OR2A14: variants seen among roughly 807,000 people sequenced by gnomAD.
OR2A14 encodes olfactory receptor family 2 subfamily A member 14.
Under a neutral mutation model 2.4 loss-of-function variants are expected in OR2A14, and 2 were observed. The observed-to-expected ratio is 0.85, with a 90% CI of 0.35 to 2.67. The LOEUF is 2.67. OR2A14 is among the 30% of genes most tolerant of loss of function. The pLI is 0.10. For missense variants in OR2A14, 390 were observed against 379.4 expected, an observed-to-expected ratio of 1.03 and a Z score of -0.23; for synonymous variants, 160 against 156.3, an observed-to-expected ratio of 1.02 and a Z score of -0.18.
chr7:144,129,968 C>A lies in OR2A14; in HGVS notation c.856C>A (p.Pro286Thr). The A allele has an allele frequency of 6.2e-7, 1 of 1,614,154 alleles. No individual in the cohort carries two copies. The highest frequency in any genetic ancestry group is 8.5e-7 in the Non-Finnish European group (1 of 1,180,010). The change falls in exon 2 of 2, where the codon CCC becomes ACC. Residue 286 changes from proline to threonine, a missense_variant. By Grantham distance (38) the Pro-to-Thr change is conservative. Transcript: ENST00000641068. ...CAGCCTTTTCAATCCAATGCTGAAC[C>A]CCCTGATATATAGCCTAAGGAATGC... ...FYSLFNPMLN[P>T]LIYSLRNAEV...
At chr7:144,123,602 A>G (rs1326817141) in intron 1 of OR2A14, among the ~76,000 whole-genome samples, 1 of 152,190 alleles carries the variant, frequency 6.6e-6, no homozygotes, top group Non-Finnish European at 1.5e-5. Context: ...AAGGGCTCCA[A>G]TGATTGTCAG....
intron 1 of OR2A14, among the ~76,000 whole-genome samples, chr7:144,123,799 C>T (rs2051462134): frequency 6.6e-6 from 1 of 152,116 alleles, no homozygotes; most frequent in African/African-American, 2.4e-5. Context: ...GTTCTGGATA[C>T]AGGCACCATT....
rs757291875 is a variant in OR2A14 at position 144,129,826 on chromosome 7, C to T, written c.714C>T (p.Ser238=). 9 of 1,614,172 alleles carry T rather than the reference C, an allele frequency of 5.6e-6. No individual in the cohort carries two copies. Among genetic ancestry groups the T allele is most frequent in the Non-Finnish European group, 5.1e-6 (6 of 1,180,034 alleles). ...QSGEGRRKAF[S]TCSSHLCVVG... is the part of the protein sequence containing the mutation. ...GGGAGGGCCGCAGAAAGGCCTTCTC[C>T]ACCTGCTCCTCCCACCTTTGCGTGG... The change falls in exon 2 of 2, where the codon TCC becomes TCT. Residue 238 remains serine (S), a synonymous_variant. Transcript: ENST00000641068.
Position 144,130,104 on chromosome 7 carries a change from GCTT to G in OR2A14, c.*60_*62del, listed in dbSNP as rs1453314837. On this transcript the variant is annotated 3_prime_UTR_variant, in exon 2 of 2. Coordinates refer to ENST00000641068, the MANE Select transcript of OR2A14 (RefSeq NM_001001659.3). ...TGCTCCCTGCAAAATATAGAAGTTGGCTTTTTTTTTTTGTCTTCTGCTAGAATA... is the reference window on the plus strand; with the variant it reads ...TGCTCCCTGCAAAATATAGAAGTTGGTTTTTTTTTGTCTTCTGCTAGAATA... 2 of 1,349,578 alleles carry G rather than the reference GCTT, an allele frequency of 1.5e-6. No homozygotes were observed. The highest frequency in any genetic ancestry group is 2.0e-6 in the Non-Finnish European group (2 of 1,015,020). The allele number at this position is 1,349,578 out of a possible 1,614,324, so 83.6% of individuals were successfully genotyped here. A position where few individuals can be genotyped will look rare whatever the true frequency, so the allele number is the denominator to read the frequency against.
At chr7:144,123,925 C>T (rs979834661) in intron 1 of OR2A14, among the ~76,000 whole-genome samples, 3 of 152,066 alleles carry the variant, frequency 2.0e-5, no homozygotes, top group Non-Finnish European at 4.4e-5. Context: ...TGGATCCAGA[C>T]ATTCTCCTTA....
At chr7:144,123,976 T>C (rs2951343) in intron 1 of OR2A14, among the ~76,000 whole-genome samples, 57,521 of 151,942 alleles carry the variant, frequency 0.38, 11,704 homozygotes, top group East Asian at 0.74. Flanking sequence ...CTAAAAAACC[T>C]AAGTTCTTAT....
In OR2A14 at chr7:144,129,600, T is replaced by C; in HGVS notation, c.488T>C (p.Leu163Pro). The change falls in exon 2 of 2, where the codon CTG becomes CCG. Residue 163 changes from leucine (L) to proline (P), a missense_variant. Transcript: ENST00000641068. ...GCTCTGGTCCCTTTAGTTCTCATCC[T>C]GAGCCTGCCCTTCTGCGGGCCTCAT... Reference protein sequence around the residue: ...LLALVPLVLILSLPFCGPHEI... With the variant: ...LLALVPLVLIPSLPFCGPHEI... 6.2e-7 allele frequency: 1 copy of C among 1,612,546 alleles called. No homozygotes were observed. The highest frequency in any genetic ancestry group is 8.5e-7 in the Non-Finnish European group (1 of 1,179,718).
intron 1 of OR2A14, among the ~76,000 whole-genome samples, chr7:144,127,509 C>T (rs1339754176): frequency 6.6e-6 from 1 of 152,084 alleles, no homozygotes; most frequent in Non-Finnish European, 1.5e-5. Flanking sequence ...AGAAATGTAT[C>T]TCAATGCCAA....
Position 144,130,181 on chromosome 7 carries a change from G to T in OR2A14, c.*136G>T, listed in dbSNP as rs948730870. 3.2e-6 allele frequency: 2 copies of T among 621,426 alleles called. No homozygotes were observed. The highest frequency in any genetic ancestry group is 5.4e-6 in the Non-Finnish European group (2 of 372,708). 38.5% of individuals were successfully genotyped at this position (621,426 alleles called of 1,614,324 possible). A position where few individuals can be genotyped will look rare whatever the true frequency, so the allele number is the denominator to read the frequency against. ...TATAGACCTATACATATAAACTGAAGACACAAATCTTTTAGAAAAGATAGG... is the reference window on the plus strand; with the variant it reads ...TATAGACCTATACATATAAACTGAATACACAAATCTTTTAGAAAAGATAGG... On this transcript the variant is annotated 3_prime_UTR_variant, in exon 2 of 2. Coordinates refer to ENST00000641068, the MANE Select transcript of OR2A14 (RefSeq NM_001001659.3).
At chr7:144,125,298 A>G (rs933054865) in intron 1 of OR2A14, among the ~76,000 whole-genome samples, 2 of 152,212 alleles carry the variant, frequency 1.3e-5, no homozygotes, top group African/African-American at 4.8e-5. Context: ...TTGCTCTTTA[A>G]GAACAGAAAA....
At chr7:144,127,045 G>A (rs939166660) in intron 1 of OR2A14, among the ~76,000 whole-genome samples, 2 of 152,156 alleles carry the variant, frequency 1.3e-5, no homozygotes, top group Non-Finnish European at 2.9e-5. Context: ...TTTTATCCAG[G>A]GGCATAGAGG....
intron 1 of OR2A14, among the ~76,000 whole-genome samples, chr7:144,124,806 G>A (rs182871355): frequency 5.9e-4 from 89 of 151,932 alleles, no homozygotes; most frequent in Admixed American, 1.0e-3. Context: ...TTACTTCAAA[G>A]GAGTCTTCCA....
intron 1 of OR2A14, among the ~76,000 whole-genome samples, chr7:144,127,022 T>C (rs1252508887): frequency 6.6e-6 from 1 of 152,190 alleles, no homozygotes; most frequent in Non-Finnish European, 1.5e-5. Context: ...GAGGCAGGTA[T>C]ACTCTAAAAC....
chr7:144,128,912 A>G, intron 1 of OR2A14, 167 bp from the exon 2 acceptor site: 2 of 572,172 alleles, frequency 3.5e-6, no homozygotes, highest in Non-Finnish European at 6.2e-6. Flanking sequence ...ATATACACAT[A>G]TACATGTATG....
In OR2A14 at chr7:144,131,092, T is replaced by C. The variant is rs1034583380; in HGVS notation, c.*1047T>C. 1 of 152,228 alleles carries C rather than the reference T, an allele frequency of 6.6e-6. No homozygotes were observed. The highest frequency in any genetic ancestry group is 2.4e-5 in the African/African-American group (1 of 41,454). The allele number at this position is 152,228 out of a possible 1,614,324, so 9.4% of individuals were successfully genotyped here. A position where few individuals can be genotyped will look rare whatever the true frequency, so the allele number is the denominator to read the frequency against. ...TTGCAGTCAAATTCCTGTGATCACATTGTACTTACTTGAGAGTGAGACTTT... is the reference window on the plus strand; with the variant it reads ...TTGCAGTCAAATTCCTGTGATCACACTGTACTTACTTGAGAGTGAGACTTT... On this transcript the variant is annotated 3_prime_UTR_variant, in exon 2 of 2. Transcript: ENST00000641068.
chr7:144,128,225 C>T (rs1231829533), intron 1 of OR2A14, among the ~76,000 whole-genome samples: 4 of 152,154 alleles, frequency 2.6e-5, no homozygotes, highest in South Asian at 2.1e-4. Context: ...TACGATACAG[C>T]GATCATCTTT....
chr7:144,124,535 G>T (rs1226640676), intron 1 of OR2A14, among the ~76,000 whole-genome samples: 1 of 151,756 alleles, frequency 6.6e-6, no homozygotes, highest in Non-Finnish European at 1.5e-5. Flanking sequence ...ATTGGAGATG[G>T]CAAGTTATTT....
rs150186576 is a variant in OR2A14, at chr7:144,128,420, C to T, written c.-34-659C>T. Among the ~76,000 whole-genome samples, 422 of 152,256 alleles carry T rather than the reference C, an allele frequency of 2.8e-3. 4 individuals carry two copies. Among genetic ancestry groups the T allele is most frequent in the African/African-American group, 9.8e-3 (405 of 41,538 alleles). On this transcript the variant is annotated intron_variant, in intron 1 of 1. Coordinates refer to ENST00000641068, the MANE Select transcript of OR2A14 (RefSeq NM_001001659.3). ...CTGATGAAGAAGTAAGGAAAACTCT[C>T]AAAATAAAACTACAAACACCAGATA...
intron 1 of OR2A14, among the ~76,000 whole-genome samples, chr7:144,125,725 T>A (rs969482904): frequency 1.3e-5 from 2 of 152,238 alleles, no homozygotes; most frequent in Admixed American, 1.3e-4. Flanking sequence ...TTCTATTTGT[T>A]TCTTTCTTTA....
Sources: allele counts gnomAD v4.1 joint callset (sites outside exome capture counted in the v4.1 genomes callset), GRCh38; gene constraint gnomAD v4.1.1; transcripts MANE v1.5; gene names NCBI Gene and HGNC (gene_info 2026-07-23, HGNC 2026-07-21).